Variants in UHRF1 observed in about 807,000 individuals in gnomAD.
The protein encoded by UHRF1 is E3 ubiquitin-protein ligase UHRF1.
UHRF1 carries 9 observed loss-of-function variants against 96.5 expected under a neutral mutation model. The ratio of observed to expected loss-of-function variants is 0.09; its 90% CI spans 0.06 to 0.16. The LOEUF (loss-of-function observed/expected upper bound fraction) is 0.16, where lower values mean the gene tolerates loss of function less well. UHRF1 is among the 10% of genes least tolerant of loss of function. The probability of loss-of-function intolerance (pLI) is 1.00; values close to 1 mark genes in which losing one functional copy is unlikely to be tolerated. For missense variants in UHRF1, 626 were observed against 1,131.1 expected (o/e 0.55, Z 6.40); for synonymous variants, 455 against 469.9 (o/e 0.97, Z 0.41).
intron 2 of UHRF1, among the ~76,000 whole-genome samples, chr19:4,925,678 C>T (rs1050919596): frequency 8.6e-5 from 13 of 151,788 alleles, no homozygotes; most frequent in Admixed American, 4.6e-4. Context: ...CCCGCCACCA[C>T]GCCCAGTTAA....
In UHRF1 at chr19:4,954,319, T is replaced by A. The variant is rs1035033935; in HGVS notation, c.1819-31T>A. ...CTGCATAGCGTGTGGGCCCCAAGCCTGACTCACGGCTGTCCCTCTTCCTCC... is the reference window on the plus strand; with the variant it reads ...CTGCATAGCGTGTGGGCCCCAAGCCAGACTCACGGCTGTCCCTCTTCCTCC... On this transcript the variant is annotated intron_variant, in intron 13 of 16. Coordinates refer to ENST00000650932, the MANE Select transcript of UHRF1 (RefSeq NM_001048201.3). The surrounding 1 kb of genome is among the most constrained non-coding windows in gnomAD (Gnocchi z 5.9). 5.6e-6 allele frequency: 9 copies of A among 1,606,146 alleles called. No homozygotes were observed. Among genetic ancestry groups the A allele is most frequent in the African/African-American group, 1.3e-5 (1 of 74,768 alleles).
intron 11 of UHRF1, among the ~76,000 whole-genome samples, chr19:4,950,310 C>A (rs2033682607): frequency 6.6e-6 from 1 of 150,454 alleles, no homozygotes; most frequent in African/African-American, 2.5e-5. Context: ...GTGGCATAAT[C>A]TCGGCTCACT....
chr19:4,929,388 C>T lies in UHRF1; in HGVS notation c.320C>T (p.Ser107Phe), dbSNP rs1282065202. The change falls in exon 3 of 17, where the codon TCC (serine) becomes TTC (phenylalanine). Residue 107 changes from serine to phenylalanine, a missense_variant. Coordinates refer to ENST00000650932, the MANE Select transcript of UHRF1 (RefSeq NM_001048201.3). ...CCLGQSESDK[S>F]STHGEAAAET... ...CTGGGCCAGAGTGAGTCAGACAAGT[C>T]CTCCACCCACGGTGAGGCGGCCGCC... 2.5e-6 allele frequency: 4 copies of T among 1,613,828 alleles called. No individual in the cohort carries two copies. Among genetic ancestry groups the T allele is most frequent in the Non-Finnish European group, 3.4e-6 (4 of 1,179,876 alleles).
chr19:4,909,767 T>C (rs2032176859), intron 1 of UHRF1, 112 bp downstream of exon 1: 1 of 467,780 alleles, frequency 2.1e-6, no homozygotes, highest in Non-Finnish European at 3.7e-6. Flanking sequence ...TCCCGCACTC[T>C]GTCCCGGGAT....
chr19:4,945,068 A>C (rs2033522358), intron 9 of UHRF1, among the ~76,000 whole-genome samples: 1 of 152,138 alleles, frequency 6.6e-6, no homozygotes. Flanking sequence ...CATGGAGTTC[A>C]TGGGGCCAGG....
chr19:4,955,544 G>C (rs2033836145), intron 15 of UHRF1, among the ~76,000 whole-genome samples: 1 of 152,058 alleles, frequency 6.6e-6, no homozygotes, highest in Non-Finnish European at 1.5e-5. Context: ...GGATGGTGCA[G>C]GTCTCAGGAT....
In UHRF1 at chr19:4,950,680, G is replaced by A. The variant is rs752034782; in HGVS notation, c.1587G>A (p.Ser529=). 23 of 1,609,824 alleles carry A rather than the reference G, an allele frequency of 1.4e-5. No homozygotes were observed. The highest frequency in any genetic ancestry group is 2.2e-5 in the East Asian group (1 of 44,896). Residue 529 remains serine (S), a synonymous_variant, in exon 12 of 17, where the codon TCG becomes TCA. Coordinates refer to ENST00000650932, the MANE Select transcript of UHRF1 (RefSeq NM_001048201.3). ...QEGAEAKDWR[S]GKPVRVVRNV... ...GGGCCGAGGCCAAGGACTGGCGGTC[G>A]GGGAAGCCGGTCAGGGTGGTGCGCA...
intron 11 of UHRF1, among the ~76,000 whole-genome samples, chr19:4,948,642 A>C (rs1162976738): frequency 6.6e-6 from 1 of 151,754 alleles, no homozygotes; most frequent in East Asian, 1.9e-4. Flanking sequence ...TCTCTACTAA[A>C]AATACAAAAA....
In UHRF1 at chr19:4,911,029, G is replaced by A. The variant is rs754643489; in HGVS notation, c.144G>A (p.Arg48=). 9 of 1,598,018 alleles carry A rather than the reference G, an allele frequency of 5.6e-6. No individual in the cohort carries two copies. Among genetic ancestry groups the A allele is most frequent in the South Asian group, 4.5e-5 (4 of 89,336 alleles). ...VEPGLQRLFY[R]GKQMEDGHTL... ...CAGGCCTGCAGAGGCTGTTCTACAG[G>A]GGCAAACAGGTACACCCGCCGCCAG... Residue 48 remains arginine (R), a synonymous_variant, in exon 2 of 17, where the codon AGG becomes AGA. Coordinates refer to ENST00000650932, the MANE Select transcript of UHRF1 (RefSeq NM_001048201.3).
chr19:4,948,881 T>G (rs1390499249), intron 11 of UHRF1, among the ~76,000 whole-genome samples: 3 of 144,498 alleles, frequency 2.1e-5, no homozygotes, highest in African/African-American at 5.2e-5. Flanking sequence ...CCCAGCACTT[T>G]GGGAGGCTGA....
Position 4,954,633 on chromosome 19 carries a change from G to T in UHRF1, c.1958-17G>T. 1 of 1,610,680 alleles carries T rather than the reference G, an allele frequency of 6.2e-7. No individual in the cohort carries two copies. The highest frequency in any genetic ancestry group is 8.5e-7 in the Non-Finnish European group (1 of 1,178,420). Reference sequence around the variant, plus strand: ...CGGGCCACGCGCCCCTCCCTCACGCGCCCCACCCTCTTCCAGGAGGTGGCC... The same window carrying T: ...CGGGCCACGCGCCCCTCCCTCACGCTCCCCACCCTCTTCCAGGAGGTGGCC... On this transcript the variant is annotated splice_polypyrimidine_tract_variant and intron_variant, in intron 14 of 16. Transcript: ENST00000650932. This position sits in a 1 kb window ranked among gnomAD's most constrained non-coding sequence, Gnocchi z 5.9.
chr19:4,934,329 C>T (rs552096461), intron 5 of UHRF1, among the ~76,000 whole-genome samples: 10 of 152,274 alleles, frequency 6.6e-5, no homozygotes, highest in East Asian at 1.9e-4. Context: ...CCACTGCGCC[C>T]GGCCAAAAAT....
At chr19:4,933,376 T>C (rs1222630232) in intron 5 of UHRF1, among the ~76,000 whole-genome samples, 1 of 152,102 alleles carries the variant, frequency 6.6e-6, no homozygotes, top group Non-Finnish European at 1.5e-5. Context: ...CCACCACACC[T>C]GGCTAATTTT....
rs970160806 is a variant in UHRF1, at chr19:4,960,845, C to G, written c.*42C>G. On this transcript the variant is annotated 3_prime_UTR_variant, in exon 17 of 17. Transcript: ENST00000650932. ...GACAGGCGTTTTGCTGAAAACGTGTCGGAGGGCTCGTTCATCGGCACTGAT... is the reference window on the plus strand; with the variant it reads ...GACAGGCGTTTTGCTGAAAACGTGTGGGAGGGCTCGTTCATCGGCACTGAT... 8.7e-7 allele frequency: 1 copy of G among 1,154,716 alleles called. No individual in the cohort carries two copies. The highest frequency in any genetic ancestry group is 1.2e-6 in the Non-Finnish European group (1 of 806,054). The allele number at this position is 1,154,716 out of a possible 1,614,324, so 71.5% of individuals were successfully genotyped here.
At chr19:4,925,884 C>CTTTTCTTTCTTT (rs2032852931) in intron 2 of UHRF1, among the ~76,000 whole-genome samples, 1 of 146,976 alleles carries the variant, frequency 6.8e-6, no homozygotes, top group African/African-American at 2.6e-5. Context: ...CCTGTTTTTT[C>CTTTTCTTTCTTT]TTTTCTTTCT....
chr19:4,933,038 C>T (rs367745654), intron 5 of UHRF1, 82 bp downstream of exon 5: 30 of 1,438,540 alleles, frequency 2.1e-5, no homozygotes, highest in African/African-American at 1.4e-4. Context: ...TGAAGCCGTC[C>T]AGCCAGCGCT....
At chr19:4,926,979 C>G (rs994817114) in intron 2 of UHRF1, among the ~76,000 whole-genome samples, 1 of 151,982 alleles carries the variant, frequency 6.6e-6, no homozygotes, top group Non-Finnish European at 1.5e-5. Flanking sequence ...AGGAGAATGG[C>G]GAACCTGGGA....
At chr19:4,948,967 C>CA (rs55757803) in intron 11 of UHRF1, among the ~76,000 whole-genome samples, 16,882 of 51,210 alleles carry the variant, frequency 0.33, 1,857 homozygotes, top group Non-Finnish European at 0.36. Flanking sequence ...ACTAAGAATA[C>CA]AAAAAAAAAA....
intron 2 of UHRF1, among the ~76,000 whole-genome samples, chr19:4,924,733 C>T (rs1367064098): frequency 2.6e-5 from 4 of 152,016 alleles, no homozygotes; most frequent in African/African-American, 9.7e-5. Flanking sequence ...AGCGGTGCAT[C>T]GGTTACAGTT....
Sources: gnomAD v4.1 joint callset for allele counts (sites outside exome capture counted in the v4.1 genomes callset) on GRCh38, gnomAD v4.1.1 for gene constraint, Gnocchi (gnomAD v3.1) non-coding constraint, MANE v1.5 for transcripts, NCBI Gene and HGNC (gene_info 2026-07-23, HGNC 2026-07-21) for gene names.